GRB14: variants seen among roughly 807,000 people sequenced by gnomAD.
The protein encoded by GRB14 is growth factor receptor-bound protein 14.
GRB14 carries 38 observed loss-of-function variants against 69.1 expected under a neutral mutation model. The observed-to-expected ratio is 0.55, with a 90% CI of 0.42 to 0.72. GRB14 has a LOEUF of 0.72. Among genes scored for constraint, GRB14 ranks in the 30% least tolerant of loss-of-function variants. GRB14 has a pLI of 0.00. For synonymous variants in GRB14, 247 were observed against 241.3 expected, an observed-to-expected ratio of 1.02 and a Z score of -0.22; for missense variants, 666 against 666.1, an observed-to-expected ratio of 1.00 and a Z score of 0.00.
At chr2:164,594,568 T>A in intron 2 of GRB14, among the ~76,000 whole-genome samples, 1 of 152,196 alleles carries the variant, frequency 6.6e-6, no homozygotes, top group South Asian at 2.1e-4. Context: ...AATTATTTAC[T>A]CAGAAATTTT....
chr2:164,497,627 G>A, intron 9 of GRB14, 137 bp from the exon 10 acceptor site: 1 of 618,914 alleles, frequency 1.6e-6, no homozygotes, highest in Non-Finnish European at 2.9e-6. Context: ...AGAAGGTGGT[G>A]CCTGAAGGGG....
At chr2:164,571,652 G>A (rs552517176) in intron 2 of GRB14, among the ~76,000 whole-genome samples, 1 of 152,208 alleles carries the variant, frequency 6.6e-6, no homozygotes, top group East Asian at 1.9e-4. Flanking sequence ...CAGGCACTGA[G>A]CTAGTTTTCA....
Position 164,621,162 on chromosome 2 carries a change from G to A in GRB14, c.148C>T (p.Leu50Phe). ...APAPWLHARALLPLPDGTRGC... is the reference protein window; with the variant it reads ...APAPWLHARAFLPLPDGTRGC... Reference sequence around the variant, plus strand: ...CGGGTCCCGTCCGGAAGGGGCAGGAGCGCTCGCGCGTGCAGCCAGGGGGCC... The same window carrying A: ...CGGGTCCCGTCCGGAAGGGGCAGGAACGCTCGCGCGTGCAGCCAGGGGGCC... The change falls in exon 1 of 14, where the codon CTC (leucine) becomes TTC (phenylalanine). Residue 50 changes from leucine to phenylalanine, a missense_variant. By Grantham distance (22) the Leu-to-Phe change is conservative. Coordinates refer to ENST00000263915, the MANE Select transcript of GRB14 (RefSeq NM_004490.3). This position sits in a 1 kb window ranked among gnomAD's most constrained non-coding sequence, Gnocchi z 6.0. The A allele has an allele frequency of 2.4e-6, 3 of 1,244,958 alleles. No individual in the cohort carries two copies. In the South Asian group the frequency reaches 1.2e-4, roughly 51 times the overall value. 77.1% of individuals were successfully genotyped at this position (1,244,958 alleles called of 1,614,324 possible).
intron 5 of GRB14, among the ~76,000 whole-genome samples, chr2:164,524,743 C>T (rs1301523656): frequency 1.3e-5 from 2 of 151,956 alleles, no homozygotes; most frequent in South Asian, 2.1e-4. Flanking sequence ...TTGCAAGTTT[C>T]CTTTTAAGAC....
intron 8 of GRB14, 131 bp downstream of exon 8, chr2:164,508,324 C>T (rs990990412): frequency 4.9e-5 from 32 of 654,188 alleles, no homozygotes; most frequent in African/African-American, 3.4e-4. Context: ...AAAACATACA[C>T]ATTTGGTGGT....
In GRB14 at chr2:164,560,569, T is replaced by C. The variant is rs372117085; in HGVS notation, c.325-12753A>G. On this transcript the variant is annotated intron_variant, in intron 2 of 13. Coordinates refer to ENST00000263915, the MANE Select transcript of GRB14 (RefSeq NM_004490.3). ...TTTAAGATAAATGATTTCTACATATTAAACATTAATAAGAAGGATTGGGGG... is the reference window on the plus strand; with the variant it reads ...TTTAAGATAAATGATTTCTACATATCAAACATTAATAAGAAGGATTGGGGG... Among the ~76,000 whole-genome samples the C allele has an allele frequency of 2.2e-4, 34 of 152,216 alleles. 1 individual carries two copies. In the South Asian group the frequency reaches 7.1e-3, roughly 32 times the overall value.
chr2:164,501,786 T>C lies in GRB14; in HGVS notation c.1104+469A>G, dbSNP rs578240879. On this transcript the variant is annotated intron_variant, in intron 9 of 13. Coordinates refer to ENST00000263915, the MANE Select transcript of GRB14 (RefSeq NM_004490.3). The stretch of plus-strand genomic sequence containing the variant: ...CAAAAGAGCTCACATGTGTATACTG[T>C]AGCTTTTAAAATTCAAATCACTGGC... 2.6e-5 allele frequency among the ~76,000 whole-genome samples: 4 copies of C among 152,184 alleles called. No individual in the cohort carries two copies. The South Asian group carries it at 8.3e-4, about 32-fold the overall frequency.
At chr2:164,608,407 A>C (rs1690089502) in intron 2 of GRB14, among the ~76,000 whole-genome samples, 1 of 152,158 alleles carries the variant, frequency 6.6e-6, no homozygotes, top group Non-Finnish European at 1.5e-5. Flanking sequence ...TGAGAAAAAA[A>C]AATTTAAAAC....
chr2:164,609,509 C>A (rs1455954295), intron 2 of GRB14, among the ~76,000 whole-genome samples: 1 of 152,202 alleles, frequency 6.6e-6, no homozygotes, highest in Non-Finnish European at 1.5e-5. Flanking sequence ...CAGCACTAAC[C>A]TATATCATAT....
chr2:164,586,332 C>T (rs1689539445), intron 2 of GRB14, among the ~76,000 whole-genome samples: 1 of 152,118 alleles, frequency 6.6e-6, no homozygotes, highest in Non-Finnish European at 1.5e-5. Context: ...GCTGAGGAAT[C>T]TGATGGTAAT....
Position 164,492,954 on chromosome 2 carries a change from G to GT in GRB14, c.*81dup. 2.3e-6 allele frequency: 3 copies of GT among 1,297,022 alleles called. No individual in the cohort carries two copies. In the South Asian group the frequency reaches 4.7e-5, roughly 20 times the overall value. 80.3% of individuals were successfully genotyped at this position (1,297,022 alleles called of 1,614,324 possible). A position where few individuals can be genotyped will look rare whatever the true frequency, so the allele number is the denominator to read the frequency against. ...AAATACATTCTTTTCACATGGTAAT[G>GT]TTTTCGCCCTTATTTATGGTCTTTT... On this transcript the variant is annotated 3_prime_UTR_variant, in exon 14 of 14. Coordinates refer to ENST00000263915, the MANE Select transcript of GRB14 (RefSeq NM_004490.3).
intron 5 of GRB14, among the ~76,000 whole-genome samples, chr2:164,522,318 T>C (rs1176574858): frequency 6.6e-6 from 1 of 152,040 alleles, no homozygotes; most frequent in South Asian, 2.1e-4. Flanking sequence ...TCTGTCTCTC[T>C]TTCTATCTCC....
intron 2 of GRB14, among the ~76,000 whole-genome samples, chr2:164,604,434 G>A (rs916747502): frequency 6.6e-6 from 1 of 152,070 alleles, no homozygotes; most frequent in African/African-American, 2.4e-5. Flanking sequence ...ACAAGTTGCA[G>A]AGATAGACAT....
intron 2 of GRB14, among the ~76,000 whole-genome samples, chr2:164,570,692 C>T (rs1689104907): frequency 6.6e-6 from 1 of 152,170 alleles, no homozygotes; most frequent in South Asian, 2.1e-4. Flanking sequence ...TCAAAGTTTA[C>T]TCTGAGGTTT....
intron 2 of GRB14, among the ~76,000 whole-genome samples, chr2:164,603,520 T>C (rs1689972729): frequency 6.6e-6 from 1 of 151,618 alleles, no homozygotes; most frequent in Non-Finnish European, 1.5e-5. Context: ...AAAAATTAGC[T>C]GGGTGTGGTG....
At chr2:164,498,771 T>C (rs1426126458) in intron 9 of GRB14, among the ~76,000 whole-genome samples, 2 of 152,222 alleles carry the variant, frequency 1.3e-5, no homozygotes, top group East Asian at 1.9e-4. Flanking sequence ...CAGATAACTA[T>C]AGGACTCCTT....
At chr2:164,585,379 A>G (rs1465079089) in intron 2 of GRB14, among the ~76,000 whole-genome samples, 1 of 151,928 alleles carries the variant, frequency 6.6e-6, no homozygotes, top group Non-Finnish European at 1.5e-5. Flanking sequence ...ATTTAAATGC[A>G]CAATGTTTTC....
At chr2:164,530,568 G>T (rs1687902945) in intron 3 of GRB14, among the ~76,000 whole-genome samples, 1 of 151,982 alleles carries the variant, frequency 6.6e-6, no homozygotes, top group African/African-American at 2.4e-5. Flanking sequence ...CATTGAGAAG[G>T]TAATGTTTAA....
chr2:164,515,659 C>A (rs1687462092), intron 6 of GRB14, among the ~76,000 whole-genome samples: 1 of 152,084 alleles, frequency 6.6e-6, no homozygotes, highest in Non-Finnish European at 1.5e-5. Flanking sequence ...CAAGTTACTT[C>A]TTACCCCTAA....
Sources: allele counts gnomAD v4.1 joint callset (sites outside exome capture counted in the v4.1 genomes callset), GRCh38; gene constraint gnomAD v4.1.1; non-coding constraint Gnocchi (gnomAD v3.1); transcripts MANE v1.5; gene names NCBI Gene and HGNC (gene_info 2026-07-23, HGNC 2026-07-21).